PADI4: variants seen among roughly 807,000 people sequenced by gnomAD.
PADI4 encodes the protein protein-arginine deiminase type-4.
A neutral mutation model predicts 75.0 loss-of-function variants in PADI4; 62 were observed. That is an observed-to-expected ratio of 0.83 (90% confidence interval 0.67 to 1.02). The LOEUF (loss-of-function observed/expected upper bound fraction) is 1.02, where lower values mean the gene tolerates loss of function less well. PADI4 is among the 50% of genes least tolerant of loss of function. PADI4 has a pLI of 0.00. For synonymous variants in PADI4, 361 were observed against 348.1 expected, an observed-to-expected ratio of 1.04 and a Z score of -0.41; for missense variants, 845 against 850.5, an observed-to-expected ratio of 0.99 and a Z score of 0.08.
chr1:17,339,819 T>A lies in PADI4; in HGVS notation c.652+6T>A. Reference sequence around the variant, plus strand: ...GAGGGTGTTTCAGGCCACACGTAAGTCATCCCCATCTTTGTTCCCCTCCTG... The same window carrying A: ...GAGGGTGTTTCAGGCCACACGTAAGACATCCCCATCTTTGTTCCCCTCCTG... On this transcript the variant is annotated splice_donor_region_variant and intron_variant, in intron 6 of 15. Coordinates refer to ENST00000375448, the MANE Select transcript of PADI4 (RefSeq NM_012387.3). The A allele has an allele frequency of 1.3e-6, 2 of 1,596,158 alleles. No individual in the cohort carries two copies. The highest frequency in any genetic ancestry group is 1.7e-6 in the Non-Finnish European group (2 of 1,170,694).
intron 3 of PADI4, chr1:17,334,307 A>ATTTTTTT: frequency 2.9e-6 from 1 of 343,010 alleles, no homozygotes; most frequent in Non-Finnish European, 6.0e-6. Context: ...ATCTCCATTA[A>ATTTTTTT]TTTTTTTTTT....
chr1:17,310,478 C>T (rs925945860), intron 1 of PADI4, among the ~76,000 whole-genome samples: 1 of 152,204 alleles, frequency 6.6e-6, no homozygotes, highest in African/African-American at 2.4e-5. Context: ...TCCCTCCTCA[C>T]CTCCGCCCCT....
chr1:17,325,042 A>C (rs527805118), intron 1 of PADI4, among the ~76,000 whole-genome samples: 2 of 152,342 alleles, frequency 1.3e-5, no homozygotes, highest in East Asian at 3.9e-4. Context: ...CTGGTTGAGA[A>C]AGTGCCTCAC....
intron 1 of PADI4, 107 bp from the exon 2 acceptor site, chr1:17,330,862 A>G: frequency 2.8e-6 from 2 of 718,272 alleles, no homozygotes; most frequent in South Asian, 4.2e-5. Context: ...AGTCCAAACA[A>G]GCTGACACCT....
At chr1:17,324,152 T>C (rs1005828608) in intron 1 of PADI4, among the ~76,000 whole-genome samples, 2 of 143,062 alleles carry the variant, frequency 1.4e-5, no homozygotes, top group East Asian at 4.0e-4. Context: ...TTGGGTTTTT[T>C]TTGTTTTTTT....
At chr1:17,333,291 G>A (rs3795215) in intron 2 of PADI4, among the ~76,000 whole-genome samples, 86 of 152,122 alleles carry the variant, frequency 5.7e-4, no homozygotes, top group Middle Eastern at 3.4e-3. Flanking sequence ...GCACCTCCGC[G>A]TGGCCCCTCA....
chr1:17,363,121 T>C (rs2074869601), intron 15 of PADI4, among the ~76,000 whole-genome samples: 1 of 151,788 alleles, frequency 6.6e-6, no homozygotes, highest in Non-Finnish European at 1.5e-5. Context: ...CCAGCAATTT[T>C]TATTTTTGAG....
rs774505663 is a variant in PADI4, at chr1:17,346,114, A to C, written c.1022A>C (p.Glu341Ala). The C allele has an allele frequency of 4.3e-6, 7 of 1,612,990 alleles. No homozygotes were observed. In the Admixed American group the frequency reaches 1.2e-4, roughly 27 times the overall value. Reference sequence around the variant, plus strand: ...AAGCTGACCATCTGCCCTGAGGAGGAGAACATGGATGACCAGTGGATGCAG... The same window carrying C: ...AAGCTGACCATCTGCCCTGAGGAGGCGAACATGGATGACCAGTGGATGCAG... The part of the protein sequence containing the change: ...KCKLTICPEE[E>A]NMDDQWMQDE... The change falls in exon 9 of 16, where the codon GAG (glutamate) becomes GCG (alanine). Residue 341 changes from glutamate (E) to alanine (A), a missense_variant. Transcript: ENST00000375448. This position sits in a 1 kb window ranked among gnomAD's most constrained non-coding sequence, Gnocchi z 4.3.
At chr1:17,325,177 T>C (rs1214142040) in intron 1 of PADI4, among the ~76,000 whole-genome samples, 5 of 152,230 alleles carry the variant, frequency 3.3e-5, no homozygotes, top group African/African-American at 1.2e-4. Flanking sequence ...TATAAATCCA[T>C]TGGAGAGAAT....
rs2074758995 is a variant in PADI4, at chr1:17,356,311, C to T, written c.1456-46C>T. 7.0e-7 allele frequency: 1 copy of T among 1,427,542 alleles called. No individual in the cohort carries two copies. The highest frequency in any genetic ancestry group is 1.3e-5 in the South Asian group (1 of 78,822). 88.4% of individuals were successfully genotyped at this position (1,427,542 alleles called of 1,614,324 possible). ...TCAGCAGATCCACCCTCGTTGGGAG[C>T]TCCAGGGGCAAAGCTGACTTCTAAC... On this transcript the variant is annotated intron_variant, in intron 12 of 15. Transcript: ENST00000375448. This position sits in a 1 kb window ranked among gnomAD's most constrained non-coding sequence, Gnocchi z 4.1.
intron 10 of PADI4, among the ~76,000 whole-genome samples, chr1:17,351,268 TGC>T (rs1454689979): frequency 6.9e-6 from 1 of 145,720 alleles, no homozygotes; most frequent in African/African-American, 2.6e-5. Flanking sequence ...GGCTCATAGG[TGC>T]CAGCGTGGTA....
At chr1:17,351,574 AT>A (rs1262878526) in intron 10 of PADI4, among the ~76,000 whole-genome samples, 1 of 148,528 alleles carries the variant, frequency 6.7e-6, no homozygotes, top group Non-Finnish European at 1.5e-5. Context: ...ACACCACTGC[AT>A]TCTGGCATGG....
At chr1:17,337,475 G>A (rs1327636666) in intron 4 of PADI4, among the ~76,000 whole-genome samples, 3 of 152,124 alleles carry the variant, frequency 2.0e-5, no homozygotes, top group East Asian at 1.9e-4. Context: ...TAAAATCCAT[G>A]TGACTGTCTT....
At chr1:17,357,472 C>T (rs1182200580) in intron 13 of PADI4, among the ~76,000 whole-genome samples, 1 of 151,496 alleles carries the variant, frequency 6.6e-6, no homozygotes, top group East Asian at 2.0e-4. Context: ...TGGCTTAAAA[C>T]AAGGACATTT....
chr1:17,347,906 A>C (rs1290778105), intron 9 of PADI4, 35 bp from the exon 10 acceptor site: 10 of 1,265,618 alleles, frequency 7.9e-6, no homozygotes, highest in Admixed American at 6.1e-5. Context: ...CCCAGGCAGC[A>C]CGCGCAACAG....
At chr1:17,358,203 G>A (rs2074793313) in intron 13 of PADI4, among the ~76,000 whole-genome samples, 1 of 151,766 alleles carries the variant, frequency 6.6e-6, no homozygotes, top group Admixed American at 6.6e-5. Context: ...AGTCAAGATC[G>A]CACTACTGCA....
chr1:17,317,966 G>A (rs558000922), intron 1 of PADI4, among the ~76,000 whole-genome samples: 23 of 152,304 alleles, frequency 1.5e-4, no homozygotes, highest in Non-Finnish European at 2.6e-4. Context: ...CAAGTCTGCC[G>A]TGAGCCATGA....
rs1237524347 is a variant in PADI4, at chr1:17,347,986, C to T, written c.1093C>T (p.Pro365Ser). 7 of 1,607,426 alleles carry T rather than the reference C, an allele frequency of 4.4e-6. No individual in the cohort carries two copies. Among genetic ancestry groups the T allele is most frequent in the Middle Eastern group, 3.3e-4 (2 of 6,048 alleles). Residue 365 changes from proline (P) to serine (S), a missense_variant, in exon 10 of 16, where the codon CCC (proline) becomes TCC (serine). By Grantham distance (74) the Pro-to-Ser change is moderately conservative. Coordinates refer to ENST00000375448, the MANE Select transcript of PADI4 (RefSeq NM_012387.3). ...CATCCAAGCCCCACACAAAACGCTG[C>T]CCGTGGTCTTCGACTCTCCAAGGAA... ...GYIQAPHKTLPVVFDSPRNRG... is the reference protein window; with the variant it reads ...GYIQAPHKTLSVVFDSPRNRG...
rs1417072146 is a variant in PADI4 at position 17,346,909 on chromosome 1, C to A, written c.1047+770C>A. 6.6e-6 allele frequency among the ~76,000 whole-genome samples: 1 copy of A among 152,102 alleles called. No individual in the cohort carries two copies. On this transcript the variant is annotated intron_variant, in intron 9 of 15. Transcript: ENST00000375448. This position sits in a 1 kb window ranked among gnomAD's most constrained non-coding sequence, Gnocchi z 4.3. ...AATTCATCCCTCTTTCTTTTCACCC[C>A]CACACAACATCCTTTCTTCCTTTCT... is the stretch of plus-strand genomic sequence containing the variant.
Sources: gnomAD v4.1 joint callset for allele counts (sites outside exome capture counted in the v4.1 genomes callset) on GRCh38, gnomAD v4.1.1 for gene constraint, Gnocchi (gnomAD v3.1) non-coding constraint, MANE v1.5 for transcripts, NCBI Gene and HGNC (gene_info 2026-07-23, HGNC 2026-07-21) for gene names.